Variants in DCC observed in about 807,000 individuals in gnomAD.
DCC encodes the protein DCC netrin 1 receptor.
Under a neutral mutation model 172.5 loss-of-function variants are expected in DCC, and 58 were observed. The observed-to-expected ratio is 0.34, with a 90% CI of 0.27 to 0.42. The LOEUF (loss-of-function observed/expected upper bound fraction) is 0.42, where lower values mean the gene tolerates loss of function less well. Among genes scored for constraint, DCC ranks in the 10% least tolerant of loss-of-function variants. The pLI is 1.00. For synonymous variants in DCC, 709 were observed against 644.5 expected (o/e 1.10, Z -1.52); for missense variants, 1,740 against 1,791.0 (o/e 0.97, Z 0.51).
chr18:52,753,474 TA>T (rs1371347820), intron 2 of DCC, among the ~76,000 whole-genome samples: 1 of 152,228 alleles, frequency 6.6e-6, no homozygotes, highest in Non-Finnish European at 1.5e-5. Flanking sequence ...TATAATTTGC[TA>T]ATTTTACTTT....
At chr18:53,114,711 A>C (rs908389271) in intron 7 of DCC, among the ~76,000 whole-genome samples, 3 of 151,612 alleles carry the variant, frequency 2.0e-5, no homozygotes, top group Non-Finnish European at 3.0e-5. Flanking sequence ...TTGCTCCTAC[A>C]CAGAATAACT....
chr18:53,231,435 G>A (rs921868712), intron 12 of DCC, among the ~76,000 whole-genome samples: 1 of 152,058 alleles, frequency 6.6e-6, no homozygotes, highest in Non-Finnish European at 1.5e-5. Context: ...ATCTGTATGT[G>A]TAAAATAGAT....
intron 12 of DCC, among the ~76,000 whole-genome samples, chr18:53,236,871 C>A (rs1357666184): frequency 1.3e-5 from 2 of 152,022 alleles, no homozygotes; most frequent in African/African-American, 4.8e-5. Context: ...AAACAGTTGA[C>A]CATATATGTA....
At chr18:52,521,962 TA>T (rs1376040828) in intron 1 of DCC, among the ~76,000 whole-genome samples, 2 of 152,106 alleles carry the variant, frequency 1.3e-5, no homozygotes, top group Admixed American at 6.6e-5. Flanking sequence ...CTATCAAGCC[TA>T]AAAAAATAAT....
chr18:53,120,809 C>G (rs892203407), intron 7 of DCC, among the ~76,000 whole-genome samples: 1 of 151,518 alleles, frequency 6.6e-6, no homozygotes, highest in Admixed American at 6.6e-5. Flanking sequence ...GGAGAATGTT[C>G]ATGATAGAGA....
intron 5 of DCC, among the ~76,000 whole-genome samples, chr18:53,037,545 T>C (rs977924243): frequency 1.3e-5 from 2 of 151,918 alleles, no homozygotes; most frequent in African/African-American, 4.8e-5. Context: ...TCATAAACTT[T>C]GAGTAGAAGA....
intron 12 of DCC, among the ~76,000 whole-genome samples, chr18:53,253,261 T>C (rs1396542239): frequency 2.6e-5 from 4 of 152,028 alleles, no homozygotes; most frequent in South Asian, 2.1e-4. Flanking sequence ...CCTATACTAA[T>C]GGTGAATATT....
chr18:52,692,234 C>T (rs957470478), intron 1 of DCC, among the ~76,000 whole-genome samples: 1 of 152,112 alleles, frequency 6.6e-6, no homozygotes, highest in East Asian at 1.9e-4. Flanking sequence ...TTTCAATCTT[C>T]TGTCAAATGG....
intron 2 of DCC, among the ~76,000 whole-genome samples, chr18:52,828,681 C>T (rs1036709787): frequency 1.3e-5 from 2 of 152,194 alleles, no homozygotes; most frequent in South Asian, 4.1e-4. Flanking sequence ...GAAAAACTCA[C>T]CTCAGAGGAG....
At chr18:52,776,336 CTT>C (rs1288414511) in intron 2 of DCC, among the ~76,000 whole-genome samples, 8 of 151,778 alleles carry the variant, frequency 5.3e-5, no homozygotes, top group African/African-American at 1.9e-4. Context: ...ATATTTATAA[CTT>C]ATAGTTTTAA....
intron 21 of DCC, among the ~76,000 whole-genome samples, chr18:53,421,996 G>A (rs1910666999): frequency 6.6e-6 from 1 of 152,174 alleles, no homozygotes. Flanking sequence ...CTCACAGTAT[G>A]TAAGTGGTGT....
At chr18:52,353,182 T>C (rs1009594169) in intron 1 of DCC, among the ~76,000 whole-genome samples, 1 of 152,236 alleles carries the variant, frequency 6.6e-6, no homozygotes, top group African/African-American at 2.4e-5. Flanking sequence ...ATATATTTCA[T>C]GGAGACCATG....
At chr18:53,302,631 T>A (rs1022349395) in intron 12 of DCC, among the ~76,000 whole-genome samples, 2 of 152,216 alleles carry the variant, frequency 1.3e-5, no homozygotes, top group Admixed American at 6.5e-5. Context: ...CAAATAGATA[T>A]CTTAGAAACC....
rs12957573 is a variant in DCC at position 52,868,079 on chromosome 18, A to G, written c.413-37965A>G. Among the ~76,000 whole-genome samples the G allele has an allele frequency of 9.2e-4, 127 of 137,756 alleles. No individual in the cohort carries two copies. In the East Asian group the frequency reaches 9.8e-3, roughly 11 times the overall value. The allele number at this position is 137,756 out of a possible 152,430, so 90.4% of individuals were successfully genotyped here. The stretch of plus-strand genomic sequence containing the variant: ...TGTGTGTGTGTGTGTGTGTGTGTGT[A>G]TATATGTGTGTATATATATATGTGT... On this transcript the variant is annotated intron_variant, in intron 2 of 28. Coordinates refer to ENST00000442544, the MANE Select transcript of DCC (RefSeq NM_005215.4).
At chr18:52,519,139 A>G (rs2031731636) in intron 1 of DCC, among the ~76,000 whole-genome samples, 1 of 152,328 alleles carries the variant, frequency 6.6e-6, no homozygotes, top group African/African-American at 2.4e-5. Context: ...CATGCCTTAG[A>G]AAAAATGTGC....
chr18:53,298,055 T>C (rs2144763599), intron 12 of DCC, among the ~76,000 whole-genome samples: 1 of 152,292 alleles, frequency 6.6e-6, no homozygotes, highest in Middle Eastern at 3.4e-3. Flanking sequence ...GTATTGGCTA[T>C]GTGGGAATAA....
At chr18:52,856,482 C>A (rs971247121) in intron 2 of DCC, among the ~76,000 whole-genome samples, 1 of 151,630 alleles carries the variant, frequency 6.6e-6, no homozygotes, top group South Asian at 2.1e-4. Flanking sequence ...AAAAAATAGC[C>A]GGGCGTGGTG....
intron 28 of DCC, among the ~76,000 whole-genome samples, chr18:53,528,746 A>G (rs1181829660): frequency 6.6e-6 from 1 of 152,144 alleles, no homozygotes; most frequent in Non-Finnish European, 1.5e-5. Context: ...CCAAAATATT[A>G]TCATCTCAAC....
chr18:52,753,133 T>C (rs985966817), intron 2 of DCC, among the ~76,000 whole-genome samples: 5 of 152,198 alleles, frequency 3.3e-5, no homozygotes, highest in Non-Finnish European at 5.9e-5. Flanking sequence ...CCTTTGGATA[T>C]ATACCCATAA....
Sources: gnomAD v4.1 joint callset for allele counts (sites outside exome capture counted in the v4.1 genomes callset) on GRCh38, gnomAD v4.1.1 for gene constraint, MANE v1.5 for transcripts, NCBI Gene and HGNC (gene_info 2026-07-23, HGNC 2026-07-21) for gene names.